CHST11: variants seen among roughly 807,000 people sequenced by gnomAD.
The protein encoded by CHST11 is carbohydrate sulfotransferase 11.
Under a neutral mutation model 30.4 loss-of-function variants are expected in CHST11, and 9 were observed. The ratio of observed to expected loss-of-function variants is 0.30; its 90% CI spans 0.18 to 0.52. The LOEUF is 0.52. Ranked by LOEUF, CHST11 falls within the 20% of genes least tolerant of loss-of-function variation. The pLI is 0.97. For synonymous variants in CHST11, 152 were observed against 187.8 expected, an observed-to-expected ratio of 0.81 and a Z score of 1.56; for missense variants, 348 against 460.6, an observed-to-expected ratio of 0.76 and a Z score of 2.24.
At chr12:104,672,277 G>A (rs1015463466) in intron 2 of CHST11, among the ~76,000 whole-genome samples, 6 of 152,090 alleles carry the variant, frequency 3.9e-5, no homozygotes, top group Admixed American at 6.6e-5. Flanking sequence ...TCTGGCTTGC[G>A]GAGTAATGGC....
At chr12:104,628,635 C>T (rs774460889) in intron 2 of CHST11, among the ~76,000 whole-genome samples, 31 of 152,036 alleles carry the variant, frequency 2.0e-4, no homozygotes, top group Non-Finnish European at 2.6e-4. Context: ...CCCTCTTCAG[C>T]CTCATCTTGG....
At chr12:104,622,093 C>T (rs574442953) in intron 2 of CHST11, among the ~76,000 whole-genome samples, 28 of 152,310 alleles carry the variant, frequency 1.8e-4, no homozygotes, top group South Asian at 8.3e-4. Flanking sequence ...GCTTACATAC[C>T]GGCAGGGAAT....
At chr12:104,457,785 G>GTTTTTTT (rs35612022) in intron 1 of CHST11, among the ~76,000 whole-genome samples, 1 of 137,680 alleles carries the variant, frequency 7.3e-6, no homozygotes. Flanking sequence ...AGGGGCGGTA[G>GTTTTTTT]TTTTTTTTTT....
At chr12:104,591,289 C>T (rs1022260974) in intron 1 of CHST11, among the ~76,000 whole-genome samples, 3 of 152,048 alleles carry the variant, frequency 2.0e-5, no homozygotes, top group Non-Finnish European at 4.4e-5. Context: ...ATCTGATTTA[C>T]GTTTCTAGAA....
intron 1 of CHST11, among the ~76,000 whole-genome samples, chr12:104,482,565 G>A (rs2037636772): frequency 6.6e-6 from 1 of 152,102 alleles, no homozygotes; most frequent in South Asian, 2.1e-4. Context: ...ACTCCAACGT[G>A]GTTCTGCTTG....
chr12:104,496,832 G>T (rs1421209490), intron 1 of CHST11, among the ~76,000 whole-genome samples: 1 of 152,144 alleles, frequency 6.6e-6, no homozygotes, highest in Non-Finnish European at 1.5e-5. Flanking sequence ...GTGTTTTGAG[G>T]ATCGTGGAAC....
At position 104,757,504 on chromosome 12, in the gene CHST11, C is replaced by T. The variant is rs1489092828; in HGVS notation, c.760C>T (p.Pro254Ser). ...CGACCCACACACCCAGCGGGAGGAG[C>T]CTTTCAACGAACACTGGCAAACCGT... ...LIDPHTQREE[P>S]FNEHWQTVYS... Residue 254 changes from proline to serine, a missense_variant, in exon 3 of 3, where the codon CCT becomes TCT. Physicochemically the swap from Pro to Ser is moderately conservative, Grantham distance 74. Around this residue, in one of 3 missense-constraint regions of CHST11, gnomAD observed 210 missense variants for 287.2 expected, o/e 0.73. Transcript: ENST00000303694. This position sits in a 1 kb window ranked among gnomAD's most constrained non-coding sequence, Gnocchi z 6.5. 3 of 1,614,142 alleles carry T rather than the reference C, an allele frequency of 1.9e-6. No individual in the cohort carries two copies. Among genetic ancestry groups the T allele is most frequent in the Non-Finnish European group, 2.5e-6 (3 of 1,180,026 alleles).
intron 2 of CHST11, among the ~76,000 whole-genome samples, chr12:104,602,739 G>A (rs1379733590): frequency 1.3e-5 from 2 of 152,162 alleles, no homozygotes; most frequent in African/African-American, 4.8e-5. Flanking sequence ...ACTAGCAGCA[G>A]CATCAGTGGA....
intron 1 of CHST11, among the ~76,000 whole-genome samples, chr12:104,599,378 G>A (rs954525480): frequency 6.6e-6 from 1 of 152,212 alleles, no homozygotes; most frequent in African/African-American, 2.4e-5. Context: ...CCGGAGCCAT[G>A]GGCCTCGATG....
chr12:104,538,648 T>A (rs970480660), intron 1 of CHST11, among the ~76,000 whole-genome samples: 1 of 152,242 alleles, frequency 6.6e-6, no homozygotes, highest in Non-Finnish European at 1.5e-5. Context: ...CACCAGATTG[T>A]AACCTCCTTC....
intron 2 of CHST11, among the ~76,000 whole-genome samples, chr12:104,738,499 AAC>A (rs1361857107): frequency 6.6e-6 from 1 of 152,142 alleles, no homozygotes; most frequent in African/African-American, 2.4e-5. Context: ...ACATGAACTA[AAC>A]ACACACCCAG....
intron 2 of CHST11, among the ~76,000 whole-genome samples, chr12:104,744,529 A>C (rs2040373641): frequency 1.3e-5 from 2 of 152,012 alleles, no homozygotes; most frequent in Non-Finnish European, 2.9e-5. Flanking sequence ...GTTCGTAAAA[A>C]TTTCCTCCCG....
chr12:104,466,685 G>A (rs2037462917), intron 1 of CHST11, among the ~76,000 whole-genome samples: 4 of 152,162 alleles, frequency 2.6e-5, no homozygotes, highest in South Asian at 2.1e-4. Flanking sequence ...TAGAATGAAC[G>A]ATGAGCAAAT....
chr12:104,486,230 A>T (rs61937673), intron 1 of CHST11, among the ~76,000 whole-genome samples: 1 of 151,840 alleles, frequency 6.6e-6, no homozygotes, highest in Non-Finnish European at 1.5e-5. Flanking sequence ...TCTCCAGCAG[A>T]TGTATACCAG....
At chr12:104,474,868 C>T (rs761781712) in intron 1 of CHST11, among the ~76,000 whole-genome samples, 6 of 152,128 alleles carry the variant, frequency 3.9e-5, no homozygotes, top group Non-Finnish European at 7.3e-5. Flanking sequence ...TCCTCTAAGC[C>T]GAAGCATGGG....
intron 1 of CHST11, among the ~76,000 whole-genome samples, chr12:104,568,332 C>A (rs1388770529): frequency 6.6e-6 from 1 of 152,202 alleles, no homozygotes; most frequent in Non-Finnish European, 1.5e-5. Context: ...CAGTGGCCCC[C>A]CTCCCACTGT....
At chr12:104,666,626 G>A (rs1397554796) in intron 2 of CHST11, among the ~76,000 whole-genome samples, 1 of 152,202 alleles carries the variant, frequency 6.6e-6, no homozygotes, top group South Asian at 2.1e-4. Context: ...TTCAAATTCA[G>A]TATCCAAGGC....
At position 104,676,860 on chromosome 12, in the gene CHST11, C is replaced by A. The variant is rs768955469; in HGVS notation, c.204+74869C>A. ...AGGGATTAGGATGCGGCCTTTTGGG[C>A]GTGTCATTCTGCCTAGCACAGATGG... On this transcript the variant is annotated intron_variant, in intron 2 of 2. Coordinates refer to ENST00000303694, the MANE Select transcript of CHST11 (RefSeq NM_018413.6). The surrounding 1 kb of genome is among the most constrained non-coding windows in gnomAD (Gnocchi z 4.4). Among the ~76,000 whole-genome samples, 1 of 152,192 alleles carries A rather than the reference C, an allele frequency of 6.6e-6. No homozygotes were observed. The highest frequency in any genetic ancestry group is 2.1e-4 in the South Asian group (1 of 4,828).
Position 104,458,859 on chromosome 12 carries a change from C to T in CHST11, c.118+1330C>T, listed in dbSNP as rs1021719586. Among the ~76,000 whole-genome samples, 3 of 152,234 alleles carry T rather than the reference C, an allele frequency of 2.0e-5. No individual in the cohort carries two copies. The highest frequency in any genetic ancestry group is 6.5e-5 in the Admixed American group (1 of 15,290). On this transcript the variant is annotated intron_variant, in intron 1 of 2. Coordinates refer to ENST00000303694, the MANE Select transcript of CHST11 (RefSeq NM_018413.6). This position sits in a 1 kb window ranked among gnomAD's most constrained non-coding sequence, Gnocchi z 5.7. Reference sequence around the variant, plus strand: ...CTGTGTATCTAACACTTTAAACAGACGCAGTCCCGAATTCATCAAGCCTGC... The same window carrying T: ...CTGTGTATCTAACACTTTAAACAGATGCAGTCCCGAATTCATCAAGCCTGC...
Sources: allele counts gnomAD v4.1 joint callset (sites outside exome capture counted in the v4.1 genomes callset), GRCh38; gene constraint gnomAD v4.1.1; regional missense constraint gnomAD v4.1.1; non-coding constraint Gnocchi (gnomAD v3.1); transcripts MANE v1.5; gene names NCBI Gene and HGNC (gene_info 2026-07-23, HGNC 2026-07-21).